ORC5: variants seen among roughly 807,000 people sequenced by gnomAD.
The protein encoded by ORC5 is protein phosphatase 1, regulatory subunit 117.
ORC5 carries 39 observed loss-of-function variants against 58.8 expected under a neutral mutation model. The ratio of observed to expected loss-of-function variants is 0.66; its 90% confidence interval spans 0.51 to 0.87. The LOEUF is 0.87. ORC5 is among the 40% of genes least tolerant of loss of function. The probability of loss-of-function intolerance (pLI) is 0.00; values close to 1 mark genes in which losing one functional copy is unlikely to be tolerated. For synonymous variants in ORC5, 218 were observed against 177.6 expected (o/e 1.23, Z -1.81); for missense variants, 493 against 506.3 (o/e 0.97, Z 0.25).
rs1300651865 is a variant in ORC5 at position 104,133,988 on chromosome 7, A to T, written c.1262+2793T>A. On this transcript the variant is annotated intron_variant, in intron 13 of 13. Transcript: ENST00000297431. This position sits in a 1 kb window ranked among gnomAD's most constrained non-coding sequence, Gnocchi z 4.7. ...GGAAGAGGAACCCCATCCTGCTGAA[A>T]AAGGAAAGAAAGAGAAGATGGACAC... Among the ~76,000 whole-genome samples, 1 of 152,134 alleles carries T rather than the reference A, an allele frequency of 6.6e-6. No individual in the cohort carries two copies. Among genetic ancestry groups the T allele is most frequent in the Non-Finnish European group, 1.5e-5 (1 of 68,018 alleles).
In ORC5 at chr7:104,195,242, C is replaced by A; in HGVS notation, c.454G>T (p.Val152Leu). The change falls in exon 5 of 14, where the codon GTG becomes TTG. Residue 152 changes from valine (V) to leucine (L), a missense_variant. Physicochemically the swap from Val to Leu is conservative, Grantham distance 32 (BLOSUM62 1). This residue lies in a region of ORC5 where 412 missense variants were observed against 403.7 expected (regional missense o/e 1.02). Transcript: ENST00000297431. ...ATTTCACTGAGAAAGAGAACAGTCA[C>A]ATTTCTGTCAGCCTGTAAAAAGAAA... is the stretch of plus-strand genomic sequence containing the variant. The part of the protein sequence containing the change: ...LRLQELADRN[V>L]TVLFLSEIVW... The A allele has an allele frequency of 6.5e-7, 1 of 1,539,282 alleles. No individual in the cohort carries two copies. Among genetic ancestry groups the A allele is most frequent in the Non-Finnish European group, 8.7e-7 (1 of 1,145,148 alleles).
At chr7:104,194,796 G>C (rs1444603668) in intron 5 of ORC5, among the ~76,000 whole-genome samples, 2 of 151,934 alleles carry the variant, frequency 1.3e-5, no homozygotes, top group African/African-American at 4.8e-5. Context: ...AGATACATTA[G>C]CACAAATATG....
intron 11 of ORC5, 55 bp downstream of exon 11, chr7:104,165,180 C>T (rs1014409528): frequency 2.0e-5 from 17 of 863,280 alleles, no homozygotes; most frequent in Non-Finnish European, 2.4e-5. Context: ...GTATCTATTT[C>T]CTATATTATC....
chr7:104,199,845 C>T (rs1169334053), intron 3 of ORC5, among the ~76,000 whole-genome samples: 2 of 152,124 alleles, frequency 1.3e-5, no homozygotes, highest in African/African-American at 2.4e-5. Flanking sequence ...GGCTTTGTGT[C>T]CCCATCCAAA....
intron 8 of ORC5, among the ~76,000 whole-genome samples, chr7:104,175,821 T>A (rs957318811): frequency 1.3e-5 from 2 of 152,152 alleles, no homozygotes; most frequent in Non-Finnish European, 1.5e-5. Flanking sequence ...GTCAAGCAAA[T>A]CAGACCAATA....
intron 12 of ORC5, among the ~76,000 whole-genome samples, chr7:104,160,720 A>C (rs1326717736): frequency 6.6e-6 from 1 of 152,276 alleles, no homozygotes; most frequent in Middle Eastern, 3.4e-3. Context: ...GTTACAAAAA[A>C]AAATTTTTCA....
At chr7:104,177,329 A>G (rs1054133002) in intron 8 of ORC5, among the ~76,000 whole-genome samples, 4 of 152,236 alleles carry the variant, frequency 2.6e-5, no homozygotes, top group Non-Finnish European at 4.4e-5. Context: ...TTAAAGTCTA[A>G]GAAAAGACTA....
chr7:104,157,609 T>A (rs1181455417), intron 12 of ORC5, among the ~76,000 whole-genome samples: 1 of 152,092 alleles, frequency 6.6e-6, no homozygotes, highest in East Asian at 1.9e-4. Context: ...GCGGACATTG[T>A]TCATCATAGT....
At position 104,138,209 on chromosome 7, in the gene ORC5, TCAA is replaced by T. The variant is rs1468534445; in HGVS notation, c.1150-1319_1150-1317del. Reference sequence around the variant, plus strand: ...ACTCAGCCCAACCAAGATTCCTAGCTCAACAACTGATTCAAACAATCAGTCCCT... The same window carrying T: ...ACTCAGCCCAACCAAGATTCCTAGCTCAACTGATTCAAACAATCAGTCCCT... On this transcript the variant is annotated intron_variant, in intron 12 of 13. Transcript: ENST00000297431. This position sits in a 1 kb window ranked among gnomAD's most constrained non-coding sequence, Gnocchi z 4.7. 6.6e-6 allele frequency among the ~76,000 whole-genome samples: 1 copy of T among 152,176 alleles called. No individual in the cohort carries two copies. The highest frequency in any genetic ancestry group is 1.5e-5 in the Non-Finnish European group (1 of 68,040).
chr7:104,195,164 A>G lies in ORC5; in HGVS notation c.532T>C (p.Tyr178His). ...NTGCFEPFVL[Y>H]FPDYSIGNLQ... is the part of the protein sequence containing the mutation. ...TTACCTATGCTGTAATCAGGGAAATATAAGACAAACGGCTCAAAGCATCCA... is the reference window on the plus strand; with the variant it reads ...TTACCTATGCTGTAATCAGGGAAATGTAAGACAAACGGCTCAAAGCATCCA... The change falls in exon 5 of 14, where the codon TAT becomes CAT. Residue 178 changes from tyrosine (Y) to histidine (H), a missense_variant. Tyr to His is a moderately conservative substitution (Grantham distance 83). Around this residue, in one of 3 missense-constraint regions of ORC5, gnomAD observed 412 missense variants for 403.7 expected, o/e 1.02. Transcript: ENST00000297431. 1 of 1,569,286 alleles carries G rather than the reference A, an allele frequency of 6.4e-7. No homozygotes were observed. The highest frequency in any genetic ancestry group is 8.6e-7 in the Non-Finnish European group (1 of 1,161,578).
intron 12 of ORC5, among the ~76,000 whole-genome samples, chr7:104,159,675 T>C (rs1400925145): frequency 2.0e-5 from 3 of 152,126 alleles, no homozygotes; most frequent in Non-Finnish European, 2.9e-5. Context: ...GATGCAAACA[T>C]GTTTCTGCTC....
chr7:104,203,441 G>A (rs560119196), intron 2 of ORC5, among the ~76,000 whole-genome samples: 1 of 152,312 alleles, frequency 6.6e-6, no homozygotes, highest in East Asian at 1.9e-4. Context: ...CCCATCTCTG[G>A]TTTAGGATAT....
intron 12 of ORC5, among the ~76,000 whole-genome samples, chr7:104,149,908 A>C (rs965395943): frequency 6.6e-6 from 1 of 152,220 alleles, no homozygotes; most frequent in Admixed American, 6.5e-5. Context: ...TGTGTACAAT[A>C]TTTTTAGATT....
intron 6 of ORC5, among the ~76,000 whole-genome samples, chr7:104,186,485 A>T (rs560639867): frequency 6.6e-6 from 1 of 152,322 alleles, no homozygotes; most frequent in East Asian, 1.9e-4. Context: ...AAAAGGCAGT[A>T]TCATAAGGTT....
chr7:104,200,789 G>A lies in ORC5; in HGVS notation c.335C>T (p.Ala112Val), dbSNP rs370295611. Residue 112 changes from alanine to valine, a missense_variant, in exon 3 of 14, where the codon GCT becomes GTT. By Grantham distance (64) the Ala-to-Val change is moderately conservative. Coordinates refer to ENST00000297431, the MANE Select transcript of ORC5 (RefSeq NM_002553.4). Reference sequence around the variant, plus strand: ...TACAGTCTGATCTTTAAGATTTTCAGCTGTGGTTACTTGTTTAAACAAGCG... The same window carrying A: ...TACAGTCTGATCTTTAAGATTTTCAACTGTGGTTACTTGTTTAAACAAGCG... ...FVRLFKQVTT[A>V]ENLKDQTVYI... The A allele has an allele frequency of 6.2e-7, 1 of 1,608,806 alleles. No homozygotes were observed. The highest frequency in any genetic ancestry group is 8.5e-7 in the Non-Finnish European group (1 of 1,175,564).
At chr7:104,143,822 A>G (rs979962939) in intron 12 of ORC5, among the ~76,000 whole-genome samples, 6 of 152,198 alleles carry the variant, frequency 3.9e-5, no homozygotes, top group African/African-American at 1.2e-4. Context: ...TATCTATTAC[A>G]TAAAGCAGTG....
intron 2 of ORC5, 103 bp from the exon 3 acceptor site, chr7:104,201,061 A>G (rs923379693): frequency 8.1e-5 from 71 of 876,922 alleles, no homozygotes; most frequent in Non-Finnish European, 1.2e-4. Flanking sequence ...TCTATATCCC[A>G]CCAAACCCAC....
Position 104,138,512 on chromosome 7 carries a change from T to C in ORC5, c.1150-1619A>G, listed in dbSNP as rs1283056879. 6.6e-6 allele frequency among the ~76,000 whole-genome samples: 1 copy of C among 151,862 alleles called. No homozygotes were observed. Among genetic ancestry groups the C allele is most frequent in the Non-Finnish European group, 1.5e-5 (1 of 67,968 alleles). The stretch of plus-strand genomic sequence containing the variant: ...TTAAAACTTTCTTTCCTTCTTTTCT[T>C]TCTTTTTTTTTTTCTGAGGCAGGGT... On this transcript the variant is annotated intron_variant, in intron 12 of 13. Transcript: ENST00000297431. This position sits in a 1 kb window ranked among gnomAD's most constrained non-coding sequence, Gnocchi z 4.7.
rs1447230906 is a variant in ORC5 at position 104,200,942 on chromosome 7, A to G, written c.182T>C (p.Val61Ala). ...LKTLELPHVF[V>A]NCVECFTLRL... ...CAATGTAAAGCATTCAACACAATTC[A>G]CAAACACATGTGGGAGCTGAAAACG... The change falls in exon 3 of 14, where the codon GTG becomes GCG. Residue 61 changes from valine (V) to alanine (A), a missense_variant. Physicochemically the swap from Val to Ala is moderately conservative, Grantham distance 64. Transcript: ENST00000297431. The G allele has an allele frequency of 1.9e-6, 3 of 1,613,144 alleles. No individual in the cohort carries two copies. Among genetic ancestry groups the G allele is most frequent in the Non-Finnish European group, 2.5e-6 (3 of 1,179,372 alleles).
Sources: allele counts gnomAD v4.1 joint callset (sites outside exome capture counted in the v4.1 genomes callset), GRCh38; gene constraint gnomAD v4.1.1; regional missense constraint gnomAD v4.1.1; non-coding constraint Gnocchi (gnomAD v3.1); transcripts MANE v1.5; gene names NCBI Gene and HGNC (gene_info 2026-07-23, HGNC 2026-07-21).